COL5A2: variants seen among roughly 807,000 people sequenced by gnomAD.
COL5A2 encodes collagen type V alpha 2 chain, also known as collagen alpha-2(V) chain.
COL5A2 carries 23 observed loss-of-function variants against 208.2 expected under a neutral mutation model. That is an observed-to-expected ratio of 0.11 (90% CI 0.08 to 0.16). The LOEUF (loss-of-function observed/expected upper bound fraction) is 0.16, where lower values mean the gene tolerates loss of function less well. Ranked by LOEUF, COL5A2 falls within the 10% of genes least tolerant of loss-of-function variation. The probability of loss-of-function intolerance (pLI) is 1.00; values close to 1 mark genes in which losing one functional copy is unlikely to be tolerated. For missense variants in COL5A2, 1,590 were observed against 1,956.4 expected, an observed-to-expected ratio of 0.81 and a Z score of 3.53; for synonymous variants, 625 against 628.5, an observed-to-expected ratio of 0.99 and a Z score of 0.08.
intron 1 of COL5A2, among the ~76,000 whole-genome samples, chr2:189,164,577 A>ATTGTTGT (rs1559132774): frequency 1.3e-5 from 2 of 151,956 alleles, no homozygotes; most frequent in East Asian, 3.9e-4. Flanking sequence ...GATTATTATT[A>ATTGTTGT]TTATTGTTTA....
the COL5A2 span, among the ~76,000 whole-genome samples, chr2:189,239,139 GATC>G: frequency 6.6e-6 from 1 of 152,040 alleles, no homozygotes; most frequent in Non-Finnish European, 1.5e-5. Flanking sequence ...AATTCTAGCT[GATC>G]ATCATCACAG....
At chr2:189,271,912 CTCA>C in the COL5A2 span, among the ~76,000 whole-genome samples, 1 of 152,166 alleles carries the variant, frequency 6.6e-6, no homozygotes, top group Non-Finnish European at 1.5e-5. Flanking sequence ...TTTTAAAAAG[CTCA>C]TCATCACTGG....
rs181530801 is a variant in COL5A2 at position 189,103,279 on chromosome 2, C to A, written c.336+985G>T. Among the ~76,000 whole-genome samples the A allele has an allele frequency of 1.1e-4, 17 of 152,144 alleles. No individual in the cohort carries two copies. In the East Asian group the frequency reaches 3.1e-3, roughly 28 times the overall value. On this transcript the variant is annotated intron_variant, in intron 3 of 53. Transcript: ENST00000374866. ...CTTCTCCTTTGACATATATTCATAT[C>A]TAATTTATTCCAAATGAGACAAATT...
At chr2:189,074,803 A>T (rs1391839947) in intron 17 of COL5A2, among the ~76,000 whole-genome samples, 1 of 152,192 alleles carries the variant, frequency 6.6e-6, no homozygotes, top group African/African-American at 2.4e-5. Context: ...ACTTTAGTTC[A>T]CATCTTTGTA....
At position 189,079,162 on chromosome 2, in the gene COL5A2, CTT is replaced by C. The variant is rs1686479594; in HGVS notation, c.961-57_961-56del. 3 of 1,327,868 alleles carry C rather than the reference CTT, an allele frequency of 2.3e-6. No homozygotes were observed. The East Asian group carries it at 6.9e-5, about 30-fold the overall frequency. 82.3% of individuals were successfully genotyped at this position (1,327,868 alleles called of 1,614,324 possible). ...TGAGAAGCCTACAACCGATACATCACTTTGTTCTGTGTGTGTAATTTTAAAAG... is the reference window on the plus strand; with the variant it reads ...TGAGAAGCCTACAACCGATACATCACTGTTCTGTGTGTGTAATTTTAAAAG... On this transcript the variant is annotated intron_variant, in intron 14 of 53. Coordinates refer to ENST00000374866, the MANE Select transcript of COL5A2 (RefSeq NM_000393.5).
chr2:189,048,109 G>A (rs1685707284), intron 45 of COL5A2, 100 bp downstream of exon 45: 1 of 1,027,062 alleles, frequency 9.7e-7, no homozygotes, highest in South Asian at 1.3e-5. Flanking sequence ...AATCAGAAGT[G>A]TATTGGAACT....
At chr2:189,419,452 T>A in the COL5A2 span, among the ~76,000 whole-genome samples, 1 of 152,116 alleles carries the variant, frequency 6.6e-6, no homozygotes, top group Non-Finnish European at 1.5e-5. Flanking sequence ...AACAACTGCC[T>A]GGAAATTGGT....
chr2:189,431,137 A>G, the COL5A2 span, among the ~76,000 whole-genome samples: 170 of 151,938 alleles, frequency 1.1e-3, no homozygotes, highest in African/African-American at 3.7e-3. Flanking sequence ...ACAGAAAGGA[A>G]TAGCATCAAC....
chr2:189,360,023 G>T, the COL5A2 span, among the ~76,000 whole-genome samples: 6 of 151,702 alleles, frequency 4.0e-5, no homozygotes, highest in African/African-American at 1.5e-4. Flanking sequence ...TTGTTTCATT[G>T]ATCTTTTTTA....
At chr2:189,132,104 A>G (rs1436100990) in intron 1 of COL5A2, among the ~76,000 whole-genome samples, 1 of 152,248 alleles carries the variant, frequency 6.6e-6, no homozygotes, top group Non-Finnish European at 1.5e-5. Context: ...ATTGAGTTGT[A>G]TGGACATGTA....
chr2:189,048,358 G>T, intron 44 of COL5A2, 96 bp from the exon 45 acceptor site: 2 of 1,097,384 alleles, frequency 1.8e-6, no homozygotes, highest in Middle Eastern at 2.0e-4. Context: ...TTACACCTGT[G>T]TTTTATAAAC....
intron 1 of COL5A2, among the ~76,000 whole-genome samples, chr2:189,197,062 C>G (rs986851109): frequency 2.6e-5 from 4 of 151,972 alleles, no homozygotes; most frequent in Non-Finnish European, 5.9e-5. Context: ...ATGCCCATCA[C>G]TGACAGACTG....
the COL5A2 span, among the ~76,000 whole-genome samples, chr2:189,399,459 C>T: frequency 6.6e-6 from 1 of 151,988 alleles, no homozygotes; most frequent in African/African-American, 2.4e-5. Context: ...CCATGTTGGC[C>T]AGGCTGGTCT....
chr2:189,404,151 A>G, the COL5A2 span, among the ~76,000 whole-genome samples: 1 of 152,184 alleles, frequency 6.6e-6, no homozygotes, highest in Admixed American at 6.5e-5. Context: ...TGTCACCTTG[A>G]CTGAGCTAAG....
At chr2:189,424,440 C>A in the COL5A2 span, among the ~76,000 whole-genome samples, 1 of 152,068 alleles carries the variant, frequency 6.6e-6, no homozygotes, top group Non-Finnish European at 1.5e-5. Flanking sequence ...ACTAAAAAAT[C>A]TTCCAAATAA....
At chr2:189,341,179 C>T in the COL5A2 span, among the ~76,000 whole-genome samples, 2 of 152,134 alleles carry the variant, frequency 1.3e-5, no homozygotes. Flanking sequence ...TTTACTAATA[C>T]TGCAGAAAGT....
At chr2:189,059,197 A>G (rs1385347982) in intron 31 of COL5A2, among the ~76,000 whole-genome samples, 1 of 152,204 alleles carries the variant, frequency 6.6e-6, no homozygotes, top group Admixed American at 6.5e-5. Flanking sequence ...AACAAAATAC[A>G]TGCTAAATGT....
intron 1 of COL5A2, among the ~76,000 whole-genome samples, chr2:189,214,759 T>A (rs1689257894): frequency 6.6e-6 from 1 of 152,182 alleles, no homozygotes; most frequent in Admixed American, 6.5e-5. Context: ...ATGTGACTAA[T>A]TCTCAGTAGT....
chr2:189,338,124 T>C, the COL5A2 span, among the ~76,000 whole-genome samples: 2 of 152,214 alleles, frequency 1.3e-5, no homozygotes, highest in Non-Finnish European at 2.9e-5. Flanking sequence ...TTACATAATA[T>C]ATATTACAAA....
Sources: allele counts gnomAD v4.1 joint callset (sites outside exome capture counted in the v4.1 genomes callset), GRCh38; gene constraint gnomAD v4.1.1; transcripts MANE v1.5; gene names NCBI Gene and HGNC (gene_info 2026-07-23, HGNC 2026-07-21).